FBXO32: variants seen among roughly 807,000 people sequenced by gnomAD.
FBXO32 encodes F-box only protein 32.
FBXO32 carries 15 observed loss-of-function variants against 48.3 expected under a neutral mutation model. The ratio of observed to expected loss-of-function variants is 0.31; its 90% CI spans 0.21 to 0.48. The LOEUF is 0.48. FBXO32 is among the 20% of genes least tolerant of loss of function. The probability of loss-of-function intolerance (pLI) is 0.99; values close to 1 mark genes in which losing one functional copy is unlikely to be tolerated. For synonymous variants in FBXO32, 154 were observed against 165.9 expected, an observed-to-expected ratio of 0.93 and a Z score of 0.55; for missense variants, 309 against 432.7, an observed-to-expected ratio of 0.71 and a Z score of 2.54.
intron 4 of FBXO32, among the ~76,000 whole-genome samples, chr8:123,530,444 A>C (rs1817176818): frequency 6.6e-6 from 1 of 152,146 alleles, no homozygotes; most frequent in Non-Finnish European, 1.5e-5. Context: ...CCTACTTCTA[A>C]GCCTAAAACC....
At chr8:123,521,358 C>T in intron 4 of FBXO32, among the ~76,000 whole-genome samples, 1 of 152,232 alleles carries the variant, frequency 6.6e-6, no homozygotes, top group East Asian at 1.9e-4. Context: ...GATGAGGTGG[C>T]TCATGATGGC....
chr8:123,520,112 TAA>T (rs200546341), intron 4 of FBXO32, among the ~76,000 whole-genome samples: 4,342 of 152,242 alleles, frequency 0.029, 99 homozygotes, highest in Non-Finnish European at 0.042. Flanking sequence ...TTATTTGTGT[TAA>T]GAGAGCTGCG....
chr8:123,504,608 C>G lies in FBXO32; in HGVS notation c.974G>C (p.Trp325Ser). 1 of 1,612,468 alleles carries G rather than the reference C, an allele frequency of 6.2e-7. No homozygotes were observed. Among genetic ancestry groups the G allele is most frequent in the South Asian group, 1.1e-5 (1 of 90,718 alleles). ...AGCCACCTCTGAGACACATACCTTC[C>G]AGGAAAGGATGTGACAGTGTTTGCA... ...QLCKHCHILS[W>S]KGTDHPCTAN... is the part of the protein sequence containing the mutation. The change falls in exon 8 of 9, where the codon TGG (tryptophan) becomes TCG (serine). Residue 325 changes from tryptophan to serine, a missense_variant. Physicochemically the swap from Trp to Ser is radical, Grantham distance 177 (BLOSUM62 -3). Coordinates refer to ENST00000517956, the MANE Select transcript of FBXO32 (RefSeq NM_058229.4).
At chr8:123,536,802 A>G (rs1226111488) in intron 1 of FBXO32, among the ~76,000 whole-genome samples, 1 of 152,210 alleles carries the variant, frequency 6.6e-6, no homozygotes, top group Non-Finnish European at 1.5e-5. Context: ...GCAAGTTCAA[A>G]TATTTAGATT....
chr8:123,513,999 T>C lies in FBXO32; in HGVS notation c.466+241A>G, dbSNP rs944014437. 2.9e-5 allele frequency: 13 copies of C among 442,982 alleles called. No individual in the cohort carries two copies. The highest frequency in any genetic ancestry group is 1.4e-4 in the African/African-American group (7 of 49,588). 27.4% of individuals were successfully genotyped at this position (442,982 alleles called of 1,614,324 possible). On this transcript the variant is annotated intron_variant, in intron 5 of 8. Coordinates refer to ENST00000517956, the MANE Select transcript of FBXO32 (RefSeq NM_058229.4). This position sits in a 1 kb window ranked among gnomAD's most constrained non-coding sequence, Gnocchi z 4.3. Reference sequence around the variant, plus strand: ...TACACTGAGAAGCCTACGAGGCTTATAGTAGGGCAAGTGGATGGTCCCAAA... The same window carrying C: ...TACACTGAGAAGCCTACGAGGCTTACAGTAGGGCAAGTGGATGGTCCCAAA...
chr8:123,523,000 CA>C (rs1184600341), intron 4 of FBXO32, among the ~76,000 whole-genome samples: 5 of 152,178 alleles, frequency 3.3e-5, no homozygotes, highest in Non-Finnish European at 7.3e-5. Flanking sequence ...AATACCCGTT[CA>C]GGGGCTCAAA....
intron 8 of FBXO32, among the ~76,000 whole-genome samples, chr8:123,503,719 C>T (rs909815001): frequency 1.3e-5 from 2 of 152,036 alleles, no homozygotes; most frequent in Non-Finnish European, 2.9e-5. Flanking sequence ...TACAAATACA[C>T]GGTATGATAG....
At chr8:123,505,800 A>G (rs75682296) in intron 7 of FBXO32, among the ~76,000 whole-genome samples, 1 of 152,212 alleles carries the variant, frequency 6.6e-6, no homozygotes, top group Non-Finnish European at 1.5e-5. Flanking sequence ...TGTGTTATAG[A>G]AAAAAAGGAT....
chr8:123,538,672 G>A (rs1817355423), intron 1 of FBXO32, among the ~76,000 whole-genome samples: 1 of 152,332 alleles, frequency 6.6e-6, no homozygotes, highest in South Asian at 2.1e-4. Flanking sequence ...CAAACAGCCA[G>A]CTGCTTTGCT....
In FBXO32 at chr8:123,530,883, C is replaced by T. The variant is rs531409237; in HGVS notation, c.372+1015G>A. 4.7e-5 allele frequency among the ~76,000 whole-genome samples: 7 copies of T among 150,146 alleles called. No homozygotes were observed. In the South Asian group the frequency reaches 1.5e-3, roughly 32 times the overall value. ...CTGCTTGTCTTAGCCTCCCAAAGTG[C>T]TGGGATTACAGGCGTGAGCCAATGC... On this transcript the variant is annotated intron_variant, in intron 4 of 8. Coordinates refer to ENST00000517956, the MANE Select transcript of FBXO32 (RefSeq NM_058229.4).
At position 123,540,261 on chromosome 8, in the gene FBXO32, C is replaced by G. The variant is rs1180819072; in HGVS notation, c.116+638G>C. ...CTCTTGTGGGATTCATCCCCTGCCC[C>G]CTTCCCTCCTTTGCACCTCTGCAGC... On this transcript the variant is annotated intron_variant, in intron 1 of 8. Coordinates refer to ENST00000517956, the MANE Select transcript of FBXO32 (RefSeq NM_058229.4). This position sits in a 1 kb window ranked among gnomAD's most constrained non-coding sequence, Gnocchi z 6.4. Among the ~76,000 whole-genome samples the G allele has an allele frequency of 2.6e-5, 4 of 152,216 alleles. No individual in the cohort carries two copies. The highest frequency in any genetic ancestry group is 2.4e-5 in the African/African-American group (1 of 41,464).
At chr8:123,530,972 ATT>A (rs35151201) in intron 4 of FBXO32, among the ~76,000 whole-genome samples, 6,622 of 68,980 alleles carry the variant, frequency 0.096, 418 homozygotes, top group African/African-American at 0.25. Flanking sequence ...ATCCAGTCAG[ATT>A]TTTTTTTTTT....
At chr8:123,509,520 T>C (rs1042983563) in intron 6 of FBXO32, among the ~76,000 whole-genome samples, 6 of 151,650 alleles carry the variant, frequency 4.0e-5, no homozygotes, top group South Asian at 2.1e-4. Flanking sequence ...GGCAAGATGG[T>C]GAAACGCCAT....
At chr8:123,505,349 T>A (rs1298611573) in intron 7 of FBXO32, among the ~76,000 whole-genome samples, 1 of 152,212 alleles carries the variant, frequency 6.6e-6, no homozygotes, top group African/African-American at 2.4e-5. Context: ...ACTTAGCCAT[T>A]TGTGGCTTTA....
chr8:123,530,647 G>A (rs900703108), intron 4 of FBXO32, among the ~76,000 whole-genome samples: 1 of 152,082 alleles, frequency 6.6e-6, no homozygotes, highest in Non-Finnish European at 1.5e-5. Context: ...ACAGAGTCTC[G>A]CACTGTCGCC....
In FBXO32 at chr8:123,504,591, CTG is replaced by C; in HGVS notation, c.978+11_978+12del. On this transcript the variant is annotated intron_variant, in intron 8 of 8. Transcript: ENST00000517956. The stretch of plus-strand genomic sequence containing the variant: ...GGCTGGGGGTCTGTGGCAGCCACCT[CTG>C]AGACACATACCTTCCAGGAAAGGAT... 1 of 1,610,446 alleles carries C rather than the reference CTG, an allele frequency of 6.2e-7. No individual in the cohort carries two copies.
Position 123,506,731 on chromosome 8 carries a change from G to A in FBXO32, c.652-157C>T. 1 of 631,938 alleles carries A rather than the reference G, an allele frequency of 1.6e-6. No individual in the cohort carries two copies. The highest frequency in any genetic ancestry group is 2.8e-6 in the Non-Finnish European group (1 of 356,966). The allele number at this position is 631,938 out of a possible 1,614,324, so 39.1% of individuals were successfully genotyped here. ...AGTAAATCTCCCCATCCTAAATGCA[G>A]ACAGGAGACCATGGCCATGACCCTC... On this transcript the variant is annotated intron_variant, in intron 6 of 8. Coordinates refer to ENST00000517956, the MANE Select transcript of FBXO32 (RefSeq NM_058229.4). The surrounding 1 kb of genome is among the most constrained non-coding windows in gnomAD (Gnocchi z 4.0).
At chr8:123,521,025 G>C (rs529327275) in intron 4 of FBXO32, among the ~76,000 whole-genome samples, 1 of 152,130 alleles carries the variant, frequency 6.6e-6, no homozygotes, top group East Asian at 1.9e-4. Context: ...GGCCTGCCCC[G>C]GGCTCAGAGG....
chr8:123,505,485 C>G (rs1816597323), intron 7 of FBXO32, among the ~76,000 whole-genome samples: 1 of 152,190 alleles, frequency 6.6e-6, no homozygotes, highest in Non-Finnish European at 1.5e-5. Context: ...CCTGTAATCC[C>G]AGAACTTTGG....
Sources: gnomAD v4.1 joint callset for allele counts (sites outside exome capture counted in the v4.1 genomes callset) on GRCh38, gnomAD v4.1.1 for gene constraint, Gnocchi (gnomAD v3.1) non-coding constraint, MANE v1.5 for transcripts, NCBI Gene and HGNC (gene_info 2026-07-23, HGNC 2026-07-21) for gene names.